RPS21: variants seen among roughly 807,000 people sequenced by gnomAD.
RPS21 encodes the protein small ribosomal subunit protein eS21.
Under a neutral mutation model 14.5 loss-of-function variants are expected in RPS21, and 6 were observed. The ratio of observed to expected loss-of-function variants is 0.41; its 90% CI spans 0.23 to 0.82. The LOEUF (loss-of-function observed/expected upper bound fraction) is 0.82. RPS21 is among the 40% of genes least tolerant of loss of function. RPS21 has a pLI of 0.31. For synonymous variants in RPS21, 61 were observed against 42.6 expected (o/e 1.43, Z -1.69); for missense variants, 85 against 115.0 (o/e 0.74, Z 1.19).
intron 4 of RPS21, 89 bp downstream of exon 4, chr20:62,388,003 TCTG>T (rs1987802836): frequency 1.2e-6 from 2 of 1,611,942 alleles, no homozygotes; most frequent in Non-Finnish European, 1.7e-6. Context: ...CCTGAGTAGA[TCTG>T]CTGGCAGAGT....
At chr20:62,387,781 C>T (rs911220986) in intron 3 of RPS21, 62 bp from the exon 4 acceptor site, 5 of 1,613,604 alleles carry the variant, frequency 3.1e-6, no homozygotes, top group Middle Eastern at 1.6e-4. Context: ...CAGAGGCTGG[C>T]TTTGAGGATT....
In RPS21 at chr20:62,388,499, A is replaced by G. The variant is rs763382420; in HGVS notation, c.*33A>G. Reference sequence around the variant, plus strand: ...GAATCACAGATGTGGAATATTTGTCATAAATAAATAATGAAAACCTACCTG... The same window carrying G: ...GAATCACAGATGTGGAATATTTGTCGTAAATAAATAATGAAAACCTACCTG... On this transcript the variant is annotated 3_prime_UTR_variant, in exon 6 of 6. Transcript: ENST00000343986. The G allele has an allele frequency of 1.2e-6, 2 of 1,609,978 alleles. No homozygotes were observed. Among genetic ancestry groups the G allele is most frequent in the Non-Finnish European group, 1.7e-6 (2 of 1,176,322 alleles).
At position 62,388,341 on chromosome 20, in the gene RPS21, C is replaced by T. The variant is rs754288413; in HGVS notation, c.219C>T (p.Ala73=). Residue 73 remains alanine, a synonymous_variant, in exon 5 of 6, where the codon GCC becomes GCT. Transcript: ENST00000343986. ...CAGATGATTCCATTCTCCGATTGGC[C>T]AAGGCCGATGGCATCGTCTCAAAGT... ...GESDDSILRL[A]KADGIVSKNF 3 of 1,600,350 alleles carry T rather than the reference C, an allele frequency of 1.9e-6. No individual in the cohort carries two copies. Among genetic ancestry groups the T allele is most frequent in the South Asian group, 2.3e-5 (2 of 87,816 alleles).
intron 2 of RPS21, 64 bp downstream of exon 2, chr20:62,387,452 T>C: frequency 6.3e-7 from 1 of 1,599,018 alleles, no homozygotes; most frequent in Non-Finnish European, 8.6e-7. Flanking sequence ...TCGCCTGCCC[T>C]TGTTCCCCCA....
chr20:62,387,751 C>A, intron 3 of RPS21, 77 bp downstream of exon 3: 3 of 1,613,902 alleles, frequency 1.9e-6, no homozygotes, highest in Non-Finnish European at 2.5e-6. Flanking sequence ...GTGGAGGAGC[C>A]CCTGGGGTGA....
chr20:62,388,124 GC>G (rs60801535), intron 4 of RPS21, 184 bp from the exon 5 acceptor site: 9 of 1,490,334 alleles, frequency 6.0e-6, no homozygotes, highest in Admixed American at 2.1e-5. Context: ...ACTAGGAGGT[GC>G]CCCCCCGACC....
At chr20:62,387,710 T>A (rs1357386806) in intron 3 of RPS21, 36 bp downstream of exon 3, 4 of 1,613,984 alleles carry the variant, frequency 2.5e-6, no homozygotes, top group Admixed American at 1.7e-5. Flanking sequence ...AAGGTTGTGA[T>A]ATATGTGCGG....
chr20:62,387,996 G>T (rs777221499), intron 4 of RPS21, 82 bp downstream of exon 4: 2 of 1,613,164 alleles, frequency 1.2e-6, no homozygotes, highest in Non-Finnish European at 1.7e-6. Flanking sequence ...GATGGTGCCT[G>T]AGTAGATCTG....
rs1713131913 is a variant in RPS21, at chr20:62,387,131, C to T, written c.-24C>T. On this transcript the variant is annotated 5_prime_UTR_variant, in exon 1 of 6. Coordinates refer to ENST00000343986, the MANE Select transcript of RPS21 (RefSeq NM_001024.4). ...TTCTCTCTCGCGCGCGGTGTGGTGG[C>T]AGCAGGTGTGGCGCGCGGCGCGGGC... is the stretch of plus-strand genomic sequence containing the variant. 2.1e-6 allele frequency: 1 copy of T among 487,326 alleles called. No homozygotes were observed. The highest frequency in any genetic ancestry group is 3.6e-5 in the East Asian group (1 of 27,962). The allele number at this position is 487,326 out of a possible 1,614,324, so 30.2% of individuals were successfully genotyped here.
rs563802722 is a variant in RPS21, at chr20:62,387,476, C to G, written c.50+88C>G. ...CTTGTTCCCCCACACCCCTCCCGTCCTTACCTCGTCACGTCCCTAACTTGT... is the reference window on the plus strand; with the variant it reads ...CTTGTTCCCCCACACCCCTCCCGTCGTTACCTCGTCACGTCCCTAACTTGT... On this transcript the variant is annotated intron_variant, in intron 2 of 5. Coordinates refer to ENST00000343986, the MANE Select transcript of RPS21 (RefSeq NM_001024.4). 1,924 of 1,590,468 alleles carry G rather than the reference C, an allele frequency of 1.2e-3. 25 individuals carry two copies. Among genetic ancestry groups the G allele is most frequent in the Middle Eastern group, 1.0e-3 (6 of 6,006 alleles).
At chr20:62,388,186 T>C (rs1296770307) in intron 4 of RPS21, 123 bp from the exon 5 acceptor site, 2 of 1,457,192 alleles carry the variant, frequency 1.4e-6, no homozygotes, top group East Asian at 2.5e-5. Flanking sequence ...GTGGCTCCCC[T>C]TCTGCGCCTG....
intron 5 of RPS21, 32 bp downstream of exon 5, chr20:62,388,396 G>T: frequency 6.2e-7 from 1 of 1,610,506 alleles, no homozygotes. Context: ...TGGGCAGAGT[G>T]AGTGGACTAG....
intron 3 of RPS21, 56 bp from the exon 4 acceptor site, chr20:62,387,787 G>A (rs1569012233): frequency 1.2e-6 from 2 of 1,613,684 alleles, no homozygotes; most frequent in Middle Eastern, 1.6e-4. Flanking sequence ...CTGGCTTTGA[G>A]GATTGGTGTT....
At chr20:62,387,983 T>A in intron 4 of RPS21, 69 bp downstream of exon 4, 1 of 1,614,026 alleles carries the variant, frequency 6.2e-7, no homozygotes, top group Non-Finnish European at 8.5e-7. Context: ...CATTGGAGTG[T>A]GTGATGGTGC....
At chr20:62,387,295 C>A in intron 1 of RPS21, 26 bp from the exon 2 acceptor site, 1 of 1,557,510 alleles carries the variant, frequency 6.4e-7, no homozygotes, top group South Asian at 1.2e-5. Context: ...CGGCCGTACT[C>A]ACGGCGCCGC....
At chr20:62,387,575 C>T (rs372881669) in intron 2 of RPS21, 36 bp from the exon 3 acceptor site, 2 of 1,600,548 alleles carry the variant, frequency 1.2e-6, no homozygotes, top group East Asian at 2.2e-5. Context: ...TCTTACCGCC[C>T]AAGTCCCCTC....
In RPS21 at chr20:62,388,381, A is replaced by G; in HGVS notation, c.242+17A>G. ...CGTCTCAAAGTAAGGTTGGGGGCTCACATTTGGGCAGAGTGAGTGGACTAG... is the reference window on the plus strand; with the variant it reads ...CGTCTCAAAGTAAGGTTGGGGGCTCGCATTTGGGCAGAGTGAGTGGACTAG... On this transcript the variant is annotated intron_variant, in intron 5 of 5. Transcript: ENST00000343986. The G allele has an allele frequency of 1.2e-6, 2 of 1,608,000 alleles. No individual in the cohort carries two copies. The highest frequency in any genetic ancestry group is 1.7e-6 in the Non-Finnish European group (2 of 1,178,396).
rs187498843 is a variant in RPS21, at chr20:62,387,508, C to T, written c.51-103C>T. 4.1e-5 allele frequency: 65 copies of T among 1,586,782 alleles called. No individual in the cohort carries two copies. The East Asian group carries it at 1.3e-3, about 32-fold the overall frequency. On this transcript the variant is annotated intron_variant, in intron 2 of 5. Coordinates refer to ENST00000343986, the MANE Select transcript of RPS21 (RefSeq NM_001024.4). ...CGTCACGTCCCTAACTTGTCCTGCC[C>T]CCGACGTTACTCTTTTCCATTCATA...
chr20:62,388,383 A>G lies in RPS21; in HGVS notation c.242+19A>G, dbSNP rs1569012999. The G allele has an allele frequency of 1.2e-6, 2 of 1,609,810 alleles. No homozygotes were observed. The highest frequency in any genetic ancestry group is 1.7e-6 in the Non-Finnish European group (2 of 1,178,810). On this transcript the variant is annotated intron_variant, in intron 5 of 5. Coordinates refer to ENST00000343986, the MANE Select transcript of RPS21 (RefSeq NM_001024.4). ...TCTCAAAGTAAGGTTGGGGGCTCAC[A>G]TTTGGGCAGAGTGAGTGGACTAGGA...
Sources: gnomAD v4.1 joint callset for allele counts on GRCh38, gnomAD v4.1.1 for gene constraint, MANE v1.5 for transcripts, NCBI Gene and HGNC (gene_info 2026-07-23, HGNC 2026-07-21) for gene names.